The following PGGT1B variants were observed in gnomAD, a reference collection of about 807,000 sequenced individuals.
PGGT1B encodes the protein geranylgeranyl transferase type-1 subunit beta.
PGGT1B carries 30 observed loss-of-function variants against 46.1 expected under a neutral mutation model. The observed-to-expected ratio is 0.65, with a 90% CI of 0.49 to 0.88. The LOEUF is 0.88. PGGT1B is among the 40% of genes least tolerant of loss of function. The pLI is 0.00. For missense variants in PGGT1B, 376 were observed against 455.9 expected (o/e 0.82, Z 1.60); for synonymous variants, 170 against 160.0 (o/e 1.06, Z -0.47).
At chr5:115,214,279 G>C (rs1331045546) in intron 8 of PGGT1B, among the ~76,000 whole-genome samples, 2 of 151,684 alleles carry the variant, frequency 1.3e-5, no homozygotes, top group South Asian at 4.2e-4. Context: ...GAACTCAATT[G>C]TTTGAAGCCT....
At chr5:115,249,373 G>A (rs1408088781) in intron 2 of PGGT1B, among the ~76,000 whole-genome samples, 1 of 152,146 alleles carries the variant, frequency 6.6e-6, no homozygotes, top group African/African-American at 2.4e-5. Flanking sequence ...TACAGATGGA[G>A]CAATGGTGAG....
intron 1 of PGGT1B, among the ~76,000 whole-genome samples, chr5:115,257,125 G>T (rs943489709): frequency 6.6e-6 from 1 of 152,062 alleles, no homozygotes; most frequent in Non-Finnish European, 1.5e-5. Context: ...CTTTACCAAA[G>T]AATCAATTCA....
intron 8 of PGGT1B, among the ~76,000 whole-genome samples, chr5:115,215,892 A>C (rs1215143913): frequency 2.6e-5 from 4 of 152,196 alleles, no homozygotes; most frequent in Non-Finnish European, 5.9e-5. Context: ...CAGTGTTTGA[A>C]ATTATTTCAA....
At chr5:115,221,489 C>T (rs894600376) in intron 7 of PGGT1B, among the ~76,000 whole-genome samples, 1 of 151,894 alleles carries the variant, frequency 6.6e-6, no homozygotes, top group Non-Finnish European at 1.5e-5. Flanking sequence ...CAGACAGATC[C>T]CTGATTTATA....
intron 3 of PGGT1B, 127 bp downstream of exon 3, chr5:115,241,412 T>A (rs570576011): frequency 6.3e-5 from 30 of 472,634 alleles, no homozygotes; most frequent in Non-Finnish European, 1.1e-4. Flanking sequence ...ATATATATAT[T>A]ATTAGACAAC....
chr5:115,223,888 T>G (rs954125248), intron 6 of PGGT1B, among the ~76,000 whole-genome samples: 8 of 152,202 alleles, frequency 5.3e-5, no homozygotes, highest in Admixed American at 3.9e-4. Flanking sequence ...TGATTTTTAT[T>G]AATTTCAGCA....
rs1241167008 is a variant in PGGT1B at position 115,244,408 on chromosome 5, T to C, written c.260-2802A>G. Among the ~76,000 whole-genome samples, 4 of 119,042 alleles carry C rather than the reference T, an allele frequency of 3.4e-5. No homozygotes were observed. The Admixed American group carries it at 3.7e-4, about 11-fold the overall frequency. The allele number at this position is 119,042 out of a possible 152,430, so 78.1% of individuals were successfully genotyped here. ...TGAACCCGGGAGGCGGAGCTTGCAG[T>C]GAGCTAAGATCGGGCCACTGCACTC... On this transcript the variant is annotated intron_variant, in intron 2 of 8. Transcript: ENST00000419445.
intron 3 of PGGT1B, 96 bp from the exon 4 acceptor site, chr5:115,238,105 T>A: frequency 1.2e-6 from 1 of 805,970 alleles, no homozygotes; most frequent in Non-Finnish European, 1.9e-6. Context: ...ATAGTAAAAT[T>A]AAATATGGCT....
intron 2 of PGGT1B, among the ~76,000 whole-genome samples, chr5:115,250,876 A>G (rs918912580): frequency 6.6e-6 from 1 of 152,168 alleles, no homozygotes; most frequent in Non-Finnish European, 1.5e-5. Flanking sequence ...ACTATATACA[A>G]TGTACTTCTT....
intron 7 of PGGT1B, among the ~76,000 whole-genome samples, chr5:115,218,988 T>C (rs566062489): frequency 1.4e-4 from 21 of 151,998 alleles, no homozygotes; most frequent in African/African-American, 4.1e-4. Context: ...CCTGTGCTCA[T>C]GGATAGGAAC....
rs1757347428 is a variant in PGGT1B at position 115,241,626 on chromosome 5, G to T, written c.260-20C>A. 3 of 1,577,062 alleles carry T rather than the reference G, an allele frequency of 1.9e-6. No homozygotes were observed. On this transcript the variant is annotated intron_variant, in intron 2 of 8. Transcript: ENST00000419445. ...TTGATCCTAGAAAATAAAAGCATGT[G>T]CTTATTTAAAGTACACTTTATTTTT...
rs1756134866 is a variant in PGGT1B at position 115,208,673 on chromosome 5, G to A, written c.*3729C>T. 6.6e-6 allele frequency: 1 copy of A among 151,926 alleles called. No individual in the cohort carries two copies. The highest frequency in any genetic ancestry group is 2.4e-5 in the African/African-American group (1 of 41,466). The allele number at this position is 151,926 out of a possible 1,614,324, so 9.4% of individuals were successfully genotyped here. A position where few individuals can be genotyped will look rare whatever the true frequency, so the allele number is the denominator to read the frequency against. ...CCCCGCACTACCCATCACCAACTTG[G>A]ATTTATTATTGCCTCTATTGTTTTG... On this transcript the variant is annotated 3_prime_UTR_variant, in exon 9 of 9. Coordinates refer to ENST00000419445, the MANE Select transcript of PGGT1B (RefSeq NM_005023.4).
chr5:115,254,235 C>T (rs1748219573), intron 1 of PGGT1B, among the ~76,000 whole-genome samples: 1 of 151,954 alleles, frequency 6.6e-6, no homozygotes, highest in Non-Finnish European at 1.5e-5. Context: ...AATAGTACTA[C>T]AGGTTGAGTA....
chr5:115,208,039 T>C lies in PGGT1B; in HGVS notation c.*4363A>G, dbSNP rs1756114218. ...TGAATAGTAACAGATTATCTAGTATTGAACTACCCTTGCATTCTTACAATA... is the reference window on the plus strand; with the variant it reads ...TGAATAGTAACAGATTATCTAGTATCGAACTACCCTTGCATTCTTACAATA... On this transcript the variant is annotated 3_prime_UTR_variant, in exon 9 of 9. Coordinates refer to ENST00000419445, the MANE Select transcript of PGGT1B (RefSeq NM_005023.4). 1.3e-5 allele frequency: 2 copies of C among 152,056 alleles called. No homozygotes were observed. The highest frequency in any genetic ancestry group is 4.8e-5 in the African/African-American group (2 of 41,450). 9.4% of individuals were successfully genotyped at this position (152,056 alleles called of 1,614,324 possible).
At chr5:115,262,477 GGAAGT>G in intron 1 of PGGT1B, 1 of 523,122 alleles carries the variant, frequency 1.9e-6, no homozygotes, top group Non-Finnish European at 3.4e-6. Flanking sequence ...AGAAGAAAAG[GGAAGT>G]GAAAAAGCCG....
At chr5:115,254,389 C>CTAT (rs1162721368) in intron 1 of PGGT1B, among the ~76,000 whole-genome samples, 1 of 151,984 alleles carries the variant, frequency 6.6e-6, no homozygotes, top group Non-Finnish European at 1.5e-5. Context: ...ATTTCATATA[C>CTAT]ATCTTACACA....
intron 7 of PGGT1B, among the ~76,000 whole-genome samples, chr5:115,218,034 A>G (rs1756473667): frequency 6.6e-6 from 1 of 151,946 alleles, no homozygotes; most frequent in Non-Finnish European, 1.5e-5. Flanking sequence ...CAAATATATG[A>G]ATGTGTCCTA....
rs745788146 is a variant in PGGT1B, at chr5:115,204,443, C to T, written c.*7959G>A. ...GGAGAGACATTATTCTGATTTCACT[C>T]TCAAAGGCATACAGTTGGCATTAAT... On this transcript the variant is annotated 3_prime_UTR_variant, in exon 9 of 9. Transcript: ENST00000419445. 4 of 152,148 alleles carry T rather than the reference C, an allele frequency of 2.6e-5. No homozygotes were observed. The highest frequency in any genetic ancestry group is 4.4e-5 in the Non-Finnish European group (3 of 68,024). 9.4% of individuals were successfully genotyped at this position (152,148 alleles called of 1,614,324 possible).
chr5:115,255,596 G>C (rs990536399), intron 1 of PGGT1B, among the ~76,000 whole-genome samples: 8 of 152,094 alleles, frequency 5.3e-5, no homozygotes, highest in Non-Finnish European at 2.9e-5. Context: ...AGAAGACAGA[G>C]ACAAAAGTGG....
Sources: gnomAD v4.1 joint callset for allele counts (sites outside exome capture counted in the v4.1 genomes callset) on GRCh38, gnomAD v4.1.1 for gene constraint, MANE v1.5 for transcripts, NCBI Gene and HGNC (gene_info 2026-07-23, HGNC 2026-07-21) for gene names.